The following NDUFV2 variants were observed in gnomAD, a reference collection of about 807,000 sequenced individuals.
NDUFV2 encodes the protein NADH:ubiquinone oxidoreductase core subunit V2, also known as NADH dehydrogenase [ubiquinone] flavoprotein 2, mitochondrial.
In NDUFV2, 18 loss-of-function variants were observed where a neutral mutation model predicts 31.6. The ratio of observed to expected loss-of-function variants is 0.57; its 90% CI spans 0.39 to 0.84. The LOEUF (loss-of-function observed/expected upper bound fraction) is 0.84, where lower values mean the gene tolerates loss of function less well. NDUFV2 is among the 40% of genes least tolerant of loss of function. The pLI, the probability that NDUFV2 is intolerant of heterozygous loss-of-function variation, is 0.00. For missense variants in NDUFV2, 314 were observed against 303.6 expected, an observed-to-expected ratio of 1.03 and a Z score of -0.26; for synonymous variants, 83 against 99.8, an observed-to-expected ratio of 0.83 and a Z score of 1.01.
intron 1 of NDUFV2, among the ~76,000 whole-genome samples, chr18:9,116,158 G>C (rs1446339663): frequency 1.3e-5 from 2 of 152,182 alleles, no homozygotes; most frequent in Non-Finnish European, 2.9e-5. Context: ...TCAAATGTGT[G>C]TAAGATTTAA....
At chr18:9,104,889 G>A in intron 1 of NDUFV2, 2 of 1,477,582 alleles carry the variant, frequency 1.4e-6, no homozygotes, top group Non-Finnish European at 1.8e-6. Context: ...ATCATCCATT[G>A]TCTTGTCAAC....
intron 1 of NDUFV2, chr18:9,104,009 A>T: frequency 1.4e-6 from 1 of 729,694 alleles, no homozygotes; most frequent in African/African-American, 1.8e-5. Flanking sequence ...GTCTCATGTA[A>T]GAGGAACTTT....
chr18:9,122,189 T>G (rs2077942589), intron 4 of NDUFV2, among the ~76,000 whole-genome samples: 2 of 152,194 alleles, frequency 1.3e-5, no homozygotes, highest in South Asian at 2.1e-4. Flanking sequence ...ATGATCAAAG[T>G]AGAAATTCTT....
intron 1 of NDUFV2, among the ~76,000 whole-genome samples, chr18:9,115,039 A>G (rs1011510790): frequency 2.0e-4 from 30 of 152,262 alleles, no homozygotes; most frequent in African/African-American, 6.8e-4. Flanking sequence ...TTAATTTGAT[A>G]TACAAGGAGG....
intron 1 of NDUFV2, chr18:9,104,092 A>G: frequency 1.9e-6 from 3 of 1,579,730 alleles, no homozygotes; most frequent in Non-Finnish European, 8.6e-7. Flanking sequence ...CAAGGTGCAT[A>G]AGATTTTTCC....
intron 7 of NDUFV2, chr18:9,132,558 C>T (rs1413602347): frequency 3.9e-5 from 6 of 152,146 alleles, no homozygotes. Flanking sequence ...TAAAGAGCAG[C>T]AGTGGTGCCT....
Position 9,119,497 on chromosome 18 carries a change from CT to C in NDUFV2, c.208del (p.Tyr70IlefsTer16), listed in dbSNP as rs1363206912. On this transcript the variant is annotated frameshift_variant, in exon 4 of 8. Coordinates refer to ENST00000318388, the MANE Select transcript of NDUFV2 (RefSeq NM_021074.5). LOFTEE classifies it high-confidence loss of function. Reference sequence around the variant, plus strand: ...AGAGGATAGAGGCAATTGTAAAAAACTATCCAGAAGGCCATAAAGCAGCAGC... The same window carrying C: ...AGAGGATAGAGGCAATTGTAAAAAACATCCAGAAGGCCATAAAGCAGCAGC... Reference protein sequence around the residue: ...YKRIEAIVKNYPEGHKAAAVL... With the variant: ...YKRIEAIVKNXPEGHKAAAVL... 1.2e-6 allele frequency: 2 copies of C among 1,613,678 alleles called. No individual in the cohort carries two copies. Among genetic ancestry groups the C allele is most frequent in the Non-Finnish European group, 1.7e-6 (2 of 1,179,824 alleles).
chr18:9,122,951 A>G (rs1271416589), intron 5 of NDUFV2, among the ~76,000 whole-genome samples: 1 of 152,214 alleles, frequency 6.6e-6, no homozygotes, highest in Non-Finnish European at 1.5e-5. Flanking sequence ...TTCGTTGTTT[A>G]GAAGATTGTT....
intron 7 of NDUFV2, among the ~76,000 whole-genome samples, chr18:9,130,298 A>T (rs2078028997): frequency 6.6e-6 from 1 of 152,214 alleles, no homozygotes; most frequent in African/African-American, 2.4e-5. Context: ...TCAGTTAAGC[A>T]TTTTCAACAA....
At chr18:9,117,434 AT>A (rs2077904138) in intron 1 of NDUFV2, 1 of 225,126 alleles carries the variant, frequency 4.4e-6, no homozygotes, top group Non-Finnish European at 9.0e-6. Flanking sequence ...TATATGACTC[AT>A]TTGTACAGAA....
At chr18:9,128,482 G>A (rs1210188901) in intron 7 of NDUFV2, among the ~76,000 whole-genome samples, 1 of 152,206 alleles carries the variant, frequency 6.6e-6, no homozygotes, top group Admixed American at 6.5e-5. Context: ...TGCTTAAAGA[G>A]TGTTGGCATT....
chr18:9,125,063 A>C, intron 6 of NDUFV2, 80 bp downstream of exon 6: 1 of 1,447,520 alleles, frequency 6.9e-7, no homozygotes, highest in East Asian at 2.5e-5. Flanking sequence ...TTGTGTCCTT[A>C]GATGTTGGTT....
Position 9,128,300 on chromosome 18 carries a change from G to A in NDUFV2, c.656+1393G>A, listed in dbSNP as rs532924085. Among the ~76,000 whole-genome samples the A allele has an allele frequency of 2.6e-5, 4 of 152,222 alleles. No individual in the cohort carries two copies. The South Asian group carries it at 8.3e-4, about 32-fold the overall frequency. On this transcript the variant is annotated intron_variant, in intron 7 of 7. Transcript: ENST00000318388. ...GTAGAATTACTAAGAGGGTATGAGT[G>A]GTTCTAGAGTTTGCTCTCTAAAACT...
intron 5 of NDUFV2, among the ~76,000 whole-genome samples, chr18:9,124,447 C>CTTTTT (rs534490648): frequency 8.8e-6 from 1 of 113,392 alleles, no homozygotes; most frequent in Non-Finnish European, 1.9e-5. Context: ...TTTTAAAAAA[C>CTTTTT]TTTTTTTTTT....
intron 1 of NDUFV2, among the ~76,000 whole-genome samples, chr18:9,108,932 C>G (rs1201762101): frequency 6.6e-6 from 1 of 152,194 alleles, no homozygotes; most frequent in Non-Finnish European, 1.5e-5. Context: ...CTCCAGTGAT[C>G]CACCTGCCTC....
chr18:9,105,761 G>A lies in NDUFV2; in HGVS notation c.54+2964G>A, dbSNP rs533827406. On this transcript the variant is annotated intron_variant, in intron 1 of 7. Transcript: ENST00000318388. Reference sequence around the variant, plus strand: ...ATCATTTTCATACAGTTGTAAAGTTGGGAATTTGCAAGACAGGCAATTGTA... The same window carrying A: ...ATCATTTTCATACAGTTGTAAAGTTAGGAATTTGCAAGACAGGCAATTGTA... Among the ~76,000 whole-genome samples, 60 of 152,276 alleles carry A rather than the reference G, an allele frequency of 3.9e-4. No homozygotes were observed. The South Asian group carries it at 9.5e-3, about 24-fold the overall frequency.
At chr18:9,126,807 G>A in intron 6 of NDUFV2, 24 bp from the exon 7 acceptor site, 1 of 1,556,382 alleles carries the variant, frequency 6.4e-7, no homozygotes, top group East Asian at 2.2e-5. Context: ...ATTTAAATAT[G>A]ACTATTGTTA....
At chr18:9,108,960 G>C (rs1407133331) in intron 1 of NDUFV2, among the ~76,000 whole-genome samples, 1 of 152,102 alleles carries the variant, frequency 6.6e-6, no homozygotes, top group Non-Finnish European at 1.5e-5. Context: ...AAAGTGCTGG[G>C]ATTACAGGCA....
chr18:9,103,960 G>T, intron 1 of NDUFV2: 1 of 519,948 alleles, frequency 1.9e-6, no homozygotes. Context: ...TACAGATAAG[G>T]AAAAGATTTA....
Sources: gnomAD v4.1 joint callset for allele counts (sites outside exome capture counted in the v4.1 genomes callset) on GRCh38, gnomAD v4.1.1 for gene constraint, MANE v1.5 for transcripts, NCBI Gene and HGNC (gene_info 2026-07-23, HGNC 2026-07-21) for gene names.